Variants in CEP70 observed in about 807,000 individuals in gnomAD.
CEP70 encodes the protein centrosomal protein of 70 kDa.
A neutral mutation model predicts 90.9 loss-of-function variants in CEP70; 70 were observed. The ratio of observed to expected loss-of-function variants is 0.77; its 90% CI spans 0.64 to 0.94. The LOEUF is 0.94. CEP70 is among the 40% of genes least tolerant of loss of function. The pLI, the probability that CEP70 is intolerant of heterozygous loss-of-function variation, is 0.00. For missense variants in CEP70, 648 were observed against 669.0 expected, an observed-to-expected ratio of 0.97 and a Z score of 0.35; for synonymous variants, 220 against 228.3, an observed-to-expected ratio of 0.96 and a Z score of 0.33.
Position 138,498,113 on chromosome 3 carries a change from G to A in CEP70, c.1653-3C>T, listed in dbSNP as rs1280186656. 4 of 1,610,094 alleles carry A rather than the reference G, an allele frequency of 2.5e-6. No individual in the cohort carries two copies. The highest frequency in any genetic ancestry group is 1.7e-5 in the Admixed American group (1 of 59,508). On this transcript the variant is annotated splice_polypyrimidine_tract_variant and splice_region_variant and intron_variant, in intron 16 of 17. Transcript: ENST00000264982. Reference sequence around the variant, plus strand: ...GTTCTTCCAATTTGTAGATAATGCTGTTTAAAAAATGCACAATTTAAACCT... The same window carrying A: ...GTTCTTCCAATTTGTAGATAATGCTATTTAAAAAATGCACAATTTAAACCT...
chr3:138,554,890 A>G (rs1452691815), intron 6 of CEP70, among the ~76,000 whole-genome samples: 1 of 152,126 alleles, frequency 6.6e-6, no homozygotes, highest in Non-Finnish European at 1.5e-5. Flanking sequence ...TGCTGTGCAA[A>G]TGGTGCTGGG....
intron 7 of CEP70, among the ~76,000 whole-genome samples, chr3:138,534,345 A>G (rs2038088488): frequency 6.6e-6 from 1 of 152,124 alleles, no homozygotes; most frequent in Admixed American, 6.5e-5. Flanking sequence ...CCGCATCTTA[A>G]CATATACCAG....
chr3:138,568,057 C>A (rs887456317), intron 6 of CEP70, among the ~76,000 whole-genome samples: 1 of 152,146 alleles, frequency 6.6e-6, no homozygotes, highest in Non-Finnish European at 1.5e-5. Context: ...AAACAAACAG[C>A]CAATTTCAGT....
intron 2 of CEP70, among the ~76,000 whole-genome samples, chr3:138,579,127 A>C (rs1281753057): frequency 1.3e-5 from 2 of 152,204 alleles, no homozygotes; most frequent in Non-Finnish European, 2.9e-5. Context: ...AGTACCAACA[A>C]CACCAGGAAG....
At chr3:138,508,413 T>C in intron 12 of CEP70, 26 bp downstream of exon 12, 1 of 1,424,810 alleles carries the variant, frequency 7.0e-7, no homozygotes, top group Non-Finnish European at 9.9e-7. Flanking sequence ...CATCAGTCTT[T>C]TTGTCATGAA....
chr3:138,570,513 A>G lies in CEP70; in HGVS notation c.285-15T>C, dbSNP rs779622553. 1.9e-6 allele frequency: 3 copies of G among 1,580,916 alleles called. No individual in the cohort carries two copies. The highest frequency in any genetic ancestry group is 2.4e-5 in the South Asian group (2 of 84,506). On this transcript the variant is annotated splice_polypyrimidine_tract_variant and intron_variant, in intron 5 of 17. Coordinates refer to ENST00000264982, the MANE Select transcript of CEP70 (RefSeq NM_024491.4). ...GAAGTTCATTTCTAAGTTAATAGAC[A>G]TACAATTTCTTCCCTTAGTATTAAA... is the stretch of plus-strand genomic sequence containing the variant.
chr3:138,553,538 A>C (rs1426253437), intron 6 of CEP70, among the ~76,000 whole-genome samples: 1 of 152,086 alleles, frequency 6.6e-6, no homozygotes, highest in Non-Finnish European at 1.5e-5. Flanking sequence ...ATTCTACCAG[A>C]CATTCAAAGA....
intron 6 of CEP70, among the ~76,000 whole-genome samples, chr3:138,546,348 T>C (rs576688227): frequency 2.1e-4 from 32 of 152,356 alleles, no homozygotes; most frequent in African/African-American, 7.5e-4. Context: ...AAGGAATATG[T>C]ATTTTCAACA....
At chr3:138,570,226 C>G (rs2041070079) in intron 6 of CEP70, 92 bp downstream of exon 6, 1 of 794,210 alleles carries the variant, frequency 1.3e-6, no homozygotes, top group South Asian at 2.2e-5. Flanking sequence ...AAGGTAAAAA[C>G]CACTGAATCA....
At chr3:138,584,408 C>T (rs1173421544) in intron 2 of CEP70, among the ~76,000 whole-genome samples, 1 of 147,990 alleles carries the variant, frequency 6.8e-6, no homozygotes, top group Non-Finnish European at 1.5e-5. Context: ...TACATCCAAA[C>T]TCATTCTATG....
intron 11 of CEP70, among the ~76,000 whole-genome samples, chr3:138,522,183 C>A (rs1260416423): frequency 6.6e-6 from 1 of 151,966 alleles, no homozygotes; most frequent in African/African-American, 2.4e-5. Context: ...AAACCAGAGA[C>A]CTTTGTTCAC....
Position 138,500,435 on chromosome 3 carries a change from T to C in CEP70, c.1501A>G (p.Asn501Asp), listed in dbSNP as rs753952216. The C allele has an allele frequency of 7.5e-6, 12 of 1,603,476 alleles. No homozygotes were observed. The highest frequency in any genetic ancestry group is 1.7e-4 in the Middle Eastern group (1 of 5,942). Residue 501 changes from asparagine (N) to aspartate (D), a missense_variant, in exon 15 of 18, where the codon AAT (asparagine) becomes GAT (aspartate). Transcript: ENST00000264982. ...AGTTCTTGGAGGTTTCTCACAGCAT[T>C]GTTCATTTCTCCAAGCCTAGTATAA... Reference protein sequence around the residue: ...EVYTRLGEMNNAVRNLQELLE... With the variant: ...EVYTRLGEMNDAVRNLQELLE...
chr3:138,510,858 T>C (rs1435737994), intron 11 of CEP70, among the ~76,000 whole-genome samples: 1 of 49,524 alleles, frequency 2.0e-5, no homozygotes, highest in Non-Finnish European at 5.9e-5. Flanking sequence ...TTTTCCATCT[T>C]TTTTTTTTTT....
At chr3:138,536,974 A>G in intron 7 of CEP70, 1 of 356,350 alleles carries the variant, frequency 2.8e-6, no homozygotes, top group Non-Finnish European at 4.9e-6. Context: ...TAAATGTTCA[A>G]TTCCATTCTT....
intron 6 of CEP70, among the ~76,000 whole-genome samples, chr3:138,555,520 CA>C (rs1178639946): frequency 6.6e-5 from 10 of 152,100 alleles, no homozygotes; most frequent in African/African-American, 2.4e-4. Context: ...ATACATCCGA[CA>C]AAGGACTAAT....
At chr3:138,564,795 G>T (rs1222629451) in intron 6 of CEP70, among the ~76,000 whole-genome samples, 1 of 152,144 alleles carries the variant, frequency 6.6e-6, no homozygotes, top group Non-Finnish European at 1.5e-5. Flanking sequence ...ACAAAACAAA[G>T]ATGCCCTCTC....
At chr3:138,525,990 A>G (rs2037190585) in intron 10 of CEP70, among the ~76,000 whole-genome samples, 1 of 152,132 alleles carries the variant, frequency 6.6e-6, no homozygotes, top group African/African-American at 2.4e-5. Flanking sequence ...ATAGAGAACC[A>G]CTATCCTCAA....
chr3:138,570,714 A>G (rs2041114710), intron 5 of CEP70, among the ~76,000 whole-genome samples: 1 of 152,224 alleles, frequency 6.6e-6, no homozygotes, highest in African/African-American at 2.4e-5. Context: ...CTGAAAATCC[A>G]AAATCCAAAA....
intron 2 of CEP70, among the ~76,000 whole-genome samples, chr3:138,590,289 C>A (rs556291922): frequency 1.3e-5 from 2 of 152,096 alleles, no homozygotes; most frequent in South Asian, 4.2e-4. Flanking sequence ...AAAGGAGTTA[C>A]AGTTGTGATA....
Sources: allele counts gnomAD v4.1 joint callset (sites outside exome capture counted in the v4.1 genomes callset), GRCh38; gene constraint gnomAD v4.1.1; transcripts MANE v1.5; gene names NCBI Gene and HGNC (gene_info 2026-07-23, HGNC 2026-07-21).